NKAIN2: variants seen among roughly 807,000 people sequenced by gnomAD.
The protein encoded by NKAIN2 is sodium/potassium-transporting ATPase subunit beta-1-interacting protein 2.
NKAIN2 carries 14 observed loss-of-function variants against 32.6 expected under a neutral mutation model. That is an observed-to-expected ratio of 0.43 (90% CI 0.28 to 0.67). NKAIN2 has a LOEUF of 0.67. NKAIN2 is among the 30% of genes least tolerant of loss of function. The pLI, the probability that NKAIN2 is intolerant of heterozygous loss-of-function variation, is 0.17. For synonymous variants in NKAIN2, 80 were observed against 87.2 expected (o/e 0.92, Z 0.46); for missense variants, 198 against 258.3 (o/e 0.77, Z 1.60).
At chr6:124,350,028 A>G (rs924570527) in intron 2 of NKAIN2, among the ~76,000 whole-genome samples, 8 of 152,212 alleles carry the variant, frequency 5.3e-5, no homozygotes, top group African/African-American at 1.9e-4. Flanking sequence ...GAAACATAAA[A>G]TATAAGATTT....
In NKAIN2 at chr6:124,041,879, T is replaced by G. The variant is rs148003044; in HGVS notation, c.54+237625T>G. On this transcript the variant is annotated intron_variant, in intron 1 of 6. Coordinates refer to ENST00000368417, the MANE Select transcript of NKAIN2 (RefSeq NM_001040214.3). ...CTACTCATTGATAAGATTTTCCTGATGAAATTTGTTTTCTGAAAATTGGTT... is the reference window on the plus strand; with the variant it reads ...CTACTCATTGATAAGATTTTCCTGAGGAAATTTGTTTTCTGAAAATTGGTT... 2.4e-4 allele frequency among the ~76,000 whole-genome samples: 36 copies of G among 152,272 alleles called. No homozygotes were observed. In the East Asian group the frequency reaches 6.2e-3, roughly 26 times the overall value.
At position 124,658,205 on chromosome 6, in the gene NKAIN2, C is replaced by A. The variant is rs1283596425; in HGVS notation, c.293C>A (p.Thr98Asn). The stretch of plus-strand genomic sequence containing the variant: ...TTGCAGGAAACAGACCTTATCCTGA[C>A]TTTTAATATATCAATGCACCGATCT... ...DLSKETDLILTFNISMHRSWW... is the reference protein window; with the variant it reads ...DLSKETDLILNFNISMHRSWW... The change falls in exon 4 of 7, where the codon ACT becomes AAT. Residue 98 changes from threonine (T) to asparagine (N), a missense_variant. Transcript: ENST00000368417. 1 of 1,608,198 alleles carries A rather than the reference C, an allele frequency of 6.2e-7. No individual in the cohort carries two copies. Among genetic ancestry groups the A allele is most frequent in the East Asian group, 2.2e-5 (1 of 44,798 alleles).
intron 3 of NKAIN2, among the ~76,000 whole-genome samples, chr6:124,362,241 G>GA (rs1799320496): frequency 6.6e-6 from 1 of 151,808 alleles, no homozygotes; most frequent in Non-Finnish European, 1.5e-5. Flanking sequence ...AAAGTAATTA[G>GA]AAAAAATTTT....
chr6:123,892,408 C>G (rs941187634), intron 1 of NKAIN2, among the ~76,000 whole-genome samples: 5 of 152,172 alleles, frequency 3.3e-5, no homozygotes, highest in Middle Eastern at 3.4e-3. Flanking sequence ...CACCTCTTCA[C>G]AGGGCGGCAG....
At chr6:124,159,213 G>A (rs947828285) in intron 1 of NKAIN2, among the ~76,000 whole-genome samples, 57 of 152,084 alleles carry the variant, frequency 3.7e-4, no homozygotes, top group African/African-American at 1.3e-3. Flanking sequence ...TGTTCCAGAG[G>A]TCTTCAGAAT....
intron 3 of NKAIN2, among the ~76,000 whole-genome samples, chr6:124,432,572 C>T (rs1313827502): frequency 6.6e-6 from 1 of 152,076 alleles, no homozygotes; most frequent in Non-Finnish European, 1.5e-5. Flanking sequence ...TGTGTCACTG[C>T]ACTCCAGCCT....
At chr6:124,187,489 T>C (rs2114572365) in intron 1 of NKAIN2, among the ~76,000 whole-genome samples, 1 of 152,234 alleles carries the variant, frequency 6.6e-6, no homozygotes, top group Non-Finnish European at 1.5e-5. Context: ...TCGGATAAGA[T>C]CAAAAAGCAT....
At chr6:124,242,384 TCA>T (rs578172626) in intron 1 of NKAIN2, among the ~76,000 whole-genome samples, 102 of 152,132 alleles carry the variant, frequency 6.7e-4, no homozygotes, top group African/African-American at 2.4e-3. Flanking sequence ...CATTAAAAAA[TCA>T]GGAAACAACA....
chr6:124,208,874 G>C (rs982810639), intron 1 of NKAIN2, among the ~76,000 whole-genome samples: 1 of 151,404 alleles, frequency 6.6e-6, no homozygotes, highest in East Asian at 1.9e-4. Flanking sequence ...GGGTATATAT[G>C]ATATTTTGAT....
intron 2 of NKAIN2, among the ~76,000 whole-genome samples, chr6:124,316,276 C>A (rs540674076): frequency 6.6e-6 from 1 of 151,946 alleles, no homozygotes; most frequent in Non-Finnish European, 1.5e-5. Context: ...GTATCCATAA[C>A]AATTAAAAAT....
At chr6:124,763,923 A>G (rs1167490608) in intron 4 of NKAIN2, among the ~76,000 whole-genome samples, 2 of 152,188 alleles carry the variant, frequency 1.3e-5, no homozygotes, top group Non-Finnish European at 1.5e-5. Context: ...CTATGTCATA[A>G]CTGGACCCCA....
intron 1 of NKAIN2, among the ~76,000 whole-genome samples, chr6:124,261,580 GGCCAGCATGGTACATGAC>G (rs1794248336): frequency 6.6e-6 from 1 of 152,146 alleles, no homozygotes; most frequent in Admixed American, 6.6e-5. Context: ...GGCAATTTGA[GGCCAGCATGGTACATGAC>G]GCCCGTAATC....
chr6:124,361,641 G>T (rs1292876678), intron 3 of NKAIN2, among the ~76,000 whole-genome samples: 1 of 152,016 alleles, frequency 6.6e-6, no homozygotes, highest in Non-Finnish European at 1.5e-5. Flanking sequence ...TTTGATAGTT[G>T]CTTCAGAGAT....
At chr6:124,504,395 A>G (rs1340543210) in intron 3 of NKAIN2, among the ~76,000 whole-genome samples, 1 of 152,164 alleles carries the variant, frequency 6.6e-6, no homozygotes, top group Non-Finnish European at 1.5e-5. Context: ...ATTGTGAGAC[A>G]GTGATGGCCC....
chr6:124,346,206 T>C (rs567493939), intron 2 of NKAIN2, among the ~76,000 whole-genome samples: 47 of 152,346 alleles, frequency 3.1e-4, no homozygotes, highest in African/African-American at 1.1e-3. Flanking sequence ...AGACAGTTTT[T>C]TATAATTTCT....
At chr6:123,838,942 A>G (rs1479407280) in intron 1 of NKAIN2, among the ~76,000 whole-genome samples, 1 of 152,200 alleles carries the variant, frequency 6.6e-6, no homozygotes, top group Admixed American at 6.5e-5. Flanking sequence ...TCGCATATGG[A>G]TAATGACTCT....
At position 124,360,144 on chromosome 6, in the gene NKAIN2, GC is replaced by G. The variant is rs1378801120; in HGVS notation, c.273+4798del. On this transcript the variant is annotated intron_variant, in intron 3 of 6. Coordinates refer to ENST00000368417, the MANE Select transcript of NKAIN2 (RefSeq NM_001040214.3). ...AAGCCCACTTGATCATGGTGGATAA[GC>G]TTTTTGATGTGCTGCTGGATTCAGT... Among the ~76,000 whole-genome samples, 12 of 152,244 alleles carry G rather than the reference GC, an allele frequency of 7.9e-5. No individual in the cohort carries two copies. In the South Asian group the frequency reaches 2.5e-3, roughly 32 times the overall value.
intron 4 of NKAIN2, among the ~76,000 whole-genome samples, chr6:124,748,401 T>C (rs945949): frequency 0.42 from 64,160 of 151,746 alleles, 14,259 homozygotes; most frequent in Non-Finnish European, 0.51. Flanking sequence ...CTACAGGCAC[T>C]CTTCTTACAT....
intron 1 of NKAIN2, among the ~76,000 whole-genome samples, chr6:123,855,322 G>C (rs1392348340): frequency 1.3e-5 from 2 of 152,110 alleles, no homozygotes; most frequent in African/African-American, 4.8e-5. Context: ...GCTGTTTTAA[G>C]TCTGACATTT....
Sources: gnomAD v4.1 joint callset for allele counts (sites outside exome capture counted in the v4.1 genomes callset) on GRCh38, gnomAD v4.1.1 for gene constraint, MANE v1.5 for transcripts, NCBI Gene and HGNC (gene_info 2026-07-23, HGNC 2026-07-21) for gene names.